The following UGT2A1 variants were observed in gnomAD, a reference collection of about 807,000 sequenced individuals.
UGT2A1 encodes the protein UDP-glucuronosyltransferase 2A1.
UGT2A1 carries 61 observed loss-of-function variants against 45.4 expected under a neutral mutation model. The observed-to-expected ratio is 1.34, with a 90% CI of 1.09 to 1.66. The LOEUF is 1.66. Among genes scored for constraint, UGT2A1 ranks in the 40% most tolerant of loss-of-function variants. The pLI, the probability that UGT2A1 is intolerant of heterozygous loss-of-function variation, is 0.00. For missense variants in UGT2A1, 649 were observed against 574.3 expected (o/e 1.13, Z -1.33); for synonymous variants, 229 against 196.2 (o/e 1.17, Z -1.40).
intron 3 of UGT2A1, among the ~76,000 whole-genome samples, chr4:69,630,507 A>G (rs1436267631): frequency 1.3e-5 from 2 of 152,120 alleles, no homozygotes; most frequent in Non-Finnish European, 2.9e-5. Context: ...TGCAGATTCA[A>G]TGATATTTAC....
chr4:69,591,668 G>A (rs1718604547), intron 6 of UGT2A1, among the ~76,000 whole-genome samples: 1 of 152,096 alleles, frequency 6.6e-6, no homozygotes, highest in Non-Finnish European at 1.5e-5. Flanking sequence ...CTCTGGCTGA[G>A]GAGGAAGTCC....
intron 3 of UGT2A1, among the ~76,000 whole-genome samples, chr4:69,627,482 AGGCAGGCATGC>A (rs1721132015): frequency 1.3e-5 from 2 of 149,858 alleles, no homozygotes; most frequent in Non-Finnish European, 3.0e-5. Context: ...GCAGGCAGGC[AGGCAGGCATGC>A]AGGAAGGAAG....
intron 6 of UGT2A1, 65 bp from the exon 7 acceptor site, chr4:69,589,716 A>G: frequency 6.4e-7 from 1 of 1,550,780 alleles, no homozygotes. Flanking sequence ...GAAGATAAAT[A>G]TGTGATACAC....
chr4:69,645,230 G>A (rs991492672), intron 2 of UGT2A1, among the ~76,000 whole-genome samples: 1 of 151,582 alleles, frequency 6.6e-6, no homozygotes, highest in Non-Finnish European at 1.5e-5. Flanking sequence ...ATCTCATCCC[G>A]TATATCCAGC....
At chr4:69,603,827 A>C (rs1031112718) in intron 3 of UGT2A1, among the ~76,000 whole-genome samples, 1 of 137,102 alleles carries the variant, frequency 7.3e-6, no homozygotes, top group African/African-American at 3.0e-5. Context: ...GTGATGGAAG[A>C]TCAAATGAAT....
At chr4:69,610,050 C>T (rs1343145693) in intron 3 of UGT2A1, among the ~76,000 whole-genome samples, 1 of 152,120 alleles carries the variant, frequency 6.6e-6, no homozygotes, top group Non-Finnish European at 1.5e-5. Flanking sequence ...TAAAACCAGT[C>T]AGGCTTCTGG....
At chr4:69,598,834 C>A (rs1164572640) in intron 4 of UGT2A1, among the ~76,000 whole-genome samples, 1 of 152,054 alleles carries the variant, frequency 6.6e-6, no homozygotes, top group Non-Finnish European at 1.5e-5. Flanking sequence ...CTCTTACTCA[C>A]CAAGTTAAAT....
Position 69,647,434 on chromosome 4 carries a change from A to T in UGT2A1, c.211T>A (p.Phe71Ile). 1.9e-6 allele frequency: 3 copies of T among 1,612,838 alleles called. No individual in the cohort carries two copies. The highest frequency in any genetic ancestry group is 2.5e-6 in the Non-Finnish European group (3 of 1,179,350). The change falls in exon 2 of 7, where the codon TTT becomes ATT. Residue 71 changes from phenylalanine (F) to isoleucine (I), a missense_variant. By Grantham distance (21) the Phe-to-Ile change is conservative. Coordinates refer to ENST00000286604, the MANE Select transcript of UGT2A1 (RefSeq NM_001252275.3). ...ITPTSNPSLT[F>I]EIYKVPFGKE... is the part of the protein sequence containing the mutation. ...CCAAAGGGCACCTTATATATTTCAA[A>T]TGTCAGAGATGGGTTAGAGGTTGGT...
At chr4:69,652,168 CAG>C (rs1157220144) in intron 1 of UGT2A1, among the ~76,000 whole-genome samples, 1 of 123,496 alleles carries the variant, frequency 8.1e-6, no homozygotes, top group African/African-American at 3.0e-5. Flanking sequence ...ACTGATAACT[CAG>C]ATGCCTTCTA....
chr4:69,626,867 T>A (rs1721089749), intron 3 of UGT2A1, among the ~76,000 whole-genome samples: 1 of 151,836 alleles, frequency 6.6e-6, no homozygotes, highest in Non-Finnish European at 1.5e-5. Flanking sequence ...GGAACCTTCT[T>A]CACAGTAGTT....
chr4:69,610,246 C>CA (rs4148316), intron 3 of UGT2A1, among the ~76,000 whole-genome samples: 57,457 of 151,092 alleles, frequency 0.38, 11,040 homozygotes, highest in African/African-American at 0.43. Flanking sequence ...TCTGCCATTA[C>CA]AAAAAAAAAG....
intron 4 of UGT2A1, among the ~76,000 whole-genome samples, chr4:69,597,682 T>G (rs1409009820): frequency 1.3e-5 from 2 of 152,050 alleles, no homozygotes; most frequent in African/African-American, 4.8e-5. Context: ...CCATTTTGAT[T>G]TATTTTCCAA....
chr4:69,610,755 A>G (rs1323860060), intron 3 of UGT2A1, among the ~76,000 whole-genome samples: 1 of 152,192 alleles, frequency 6.6e-6, no homozygotes, highest in Non-Finnish European at 1.5e-5. Flanking sequence ...TGGTGGCCAT[A>G]AAAACTTCAA....
At position 69,601,724 on chromosome 4, in the gene UGT2A1, G is replaced by C. The variant is rs923287599; in HGVS notation, c.848-2330C>G. The stretch of plus-strand genomic sequence containing the variant: ...TCTATGTAACTCCCCTGCCACCCCT[G>C]TCAGAGCTGGTGCTGGTATCCACTG... On this transcript the variant is annotated intron_variant, in intron 3 of 6. Transcript: ENST00000286604. Among the ~76,000 whole-genome samples the C allele has an allele frequency of 2.6e-5, 4 of 151,264 alleles. No homozygotes were observed. The East Asian group carries it at 7.8e-4, about 29-fold the overall frequency.
In UGT2A1 at chr4:69,635,688, G is replaced by T. The variant is rs2109962774; in HGVS notation, c.847+3C>A. The T allele has an allele frequency of 7.1e-6, 2 of 282,982 alleles. No homozygotes were observed. The highest frequency in any genetic ancestry group is 5.5e-5 in the South Asian group (2 of 36,080). 17.5% of individuals were successfully genotyped at this position (282,982 alleles called of 1,614,324 possible). A position where few individuals can be genotyped will look rare whatever the true frequency, so the allele number is the denominator to read the frequency against. Reference sequence around the variant, plus strand: ...CTATTAAAAATACAAAAATTAGCCTGACCTGCTGGCAGCCTGTAATCCCAA... The same window carrying T: ...CTATTAAAAATACAAAAATTAGCCTTACCTGCTGGCAGCCTGTAATCCCAA... On this transcript the variant is annotated splice_donor_region_variant and intron_variant, in intron 3 of 6. Coordinates refer to ENST00000286604, the MANE Select transcript of UGT2A1 (RefSeq NM_001252275.3).
At chr4:69,634,743 T>C (rs1169537745) in intron 3 of UGT2A1, among the ~76,000 whole-genome samples, 2 of 152,030 alleles carry the variant, frequency 1.3e-5, no homozygotes, top group African/African-American at 4.8e-5. Context: ...TTATTTGAAT[T>C]AAAAAGAAAA....
chr4:69,631,615 C>T (rs1421903258), intron 3 of UGT2A1, among the ~76,000 whole-genome samples: 1 of 152,080 alleles, frequency 6.6e-6, no homozygotes, highest in African/African-American at 2.4e-5. Context: ...TCAATGTAGT[C>T]AGATATTTGT....
chr4:69,615,662 A>G (rs1720335187), intron 3 of UGT2A1, among the ~76,000 whole-genome samples: 7 of 151,972 alleles, frequency 4.6e-5, no homozygotes, highest in Admixed American at 4.6e-4. Context: ...CTATAATGAG[A>G]TATCATCTGA....
intron 2 of UGT2A1, among the ~76,000 whole-genome samples, chr4:69,637,186 C>A (rs1229591807): frequency 6.6e-6 from 1 of 151,924 alleles, no homozygotes; most frequent in Admixed American, 6.6e-5. Flanking sequence ...TTAAATTATG[C>A]CTTAAAGGAA....
Sources: gnomAD v4.1 joint callset for allele counts (sites outside exome capture counted in the v4.1 genomes callset) on GRCh38, gnomAD v4.1.1 for gene constraint, MANE v1.5 for transcripts, NCBI Gene and HGNC (gene_info 2026-07-23, HGNC 2026-07-21) for gene names.